Variants in TMEM232 observed in about 807,000 individuals in gnomAD.
TMEM232 encodes the protein transmembrane protein 232.
In TMEM232, 80 loss-of-function variants were observed where a neutral mutation model predicts 78.8. The observed-to-expected ratio is 1.01, with a 90% confidence interval of 0.85 to 1.22. TMEM232 has a LOEUF of 1.22. TMEM232 is among the 50% of genes most tolerant of loss of function. The pLI is 0.00. For missense variants in TMEM232, 881 were observed against 742.2 expected (o/e 1.19, Z -2.17); for synonymous variants, 297 against 254.3 (o/e 1.17, Z -1.60).
chr5:110,388,061 AGAAAG>A (rs1755049274), intron 4 of TMEM232: 1 of 152,124 alleles, frequency 6.6e-6, no homozygotes, highest in Admixed American at 6.6e-5. Flanking sequence ...AATCTGTAAA[AGAAAG>A]GAGAGAGGAG....
chr5:110,473,388 G>A (rs951810380), intron 12 of TMEM232, among the ~76,000 whole-genome samples: 4 of 151,448 alleles, frequency 2.6e-5, no homozygotes, highest in African/African-American at 4.8e-5. Context: ...AGATATCACC[G>A]CCCTCCAGAT....
At chr5:110,728,134 G>C (rs1798335317), upstream of TMEM232, among the ~76,000 whole-genome samples, 1 of 151,962 alleles carries the variant, frequency 6.6e-6, no homozygotes, top group Admixed American at 6.6e-5. Context: ...TGAAACTATA[G>C]CATGTTTAGA....
chr5:110,469,822 G>A (rs1762477910), intron 12 of TMEM232, among the ~76,000 whole-genome samples: 1 of 152,112 alleles, frequency 6.6e-6, no homozygotes, highest in Non-Finnish European at 1.5e-5. Flanking sequence ...TATGTCCCAG[G>A]GGAAAAAATG....
chr5:110,503,489 G>T (rs1051175641), intron 12 of TMEM232, among the ~76,000 whole-genome samples: 2 of 152,000 alleles, frequency 1.3e-5, no homozygotes, highest in Non-Finnish European at 1.5e-5. Context: ...GTAGATAGTT[G>T]CATACCTGAG....
intron 12 of TMEM232, among the ~76,000 whole-genome samples, chr5:110,482,852 C>G (rs996732619): frequency 2.0e-5 from 3 of 151,706 alleles, no homozygotes; most frequent in Admixed American, 6.6e-5. Flanking sequence ...CCAGAAAAAA[C>G]TTTCTTCAAA....
At chr5:110,459,691 A>G (rs1363848608) in intron 12 of TMEM232, among the ~76,000 whole-genome samples, 1 of 152,172 alleles carries the variant, frequency 6.6e-6, no homozygotes, top group Non-Finnish European at 1.5e-5. Flanking sequence ...GTGTCAAAAT[A>G]TTTTCTTACA....
chr5:110,462,772 T>A (rs1761674866), intron 12 of TMEM232, among the ~76,000 whole-genome samples: 1 of 152,126 alleles, frequency 6.6e-6, no homozygotes, highest in Admixed American at 6.5e-5. Context: ...TCTGTCCCTC[T>A]AGGGTACCCT....
At chr5:110,620,858 CTT>C (rs558332663) in intron 7 of TMEM232, among the ~76,000 whole-genome samples, 91 of 87,434 alleles carry the variant, frequency 1.0e-3, no homozygotes, top group African/African-American at 4.8e-3. Flanking sequence ...ATTTCAAGCG[CTT>C]TTTTTTTTTT....
chr5:110,660,749 T>C (rs13356527), intron 2 of TMEM232, among the ~76,000 whole-genome samples: 9,573 of 152,244 alleles, frequency 0.063, 457 homozygotes, highest in South Asian at 0.18. Flanking sequence ...TGTGATATTT[T>C]GATACAAACA....
At chr5:110,503,861 T>A (rs1320926937) in intron 12 of TMEM232, among the ~76,000 whole-genome samples, 3 of 151,970 alleles carry the variant, frequency 2.0e-5, no homozygotes, top group Non-Finnish European at 4.4e-5. Flanking sequence ...GCTGTGTGAC[T>A]TTTTTAGAGG....
rs186558321 is a variant in TMEM232, at chr5:110,442,414, C to G, written c.1704-17498G>C. On this transcript the variant is annotated intron_variant, in intron 12 of 13. Transcript: ENST00000455884. Reference sequence around the variant, plus strand: ...TGATCAGTTCTGCTATTAAGAGACTCTGATGCATTCTTCAGTATGTGAATT... The same window carrying G: ...TGATCAGTTCTGCTATTAAGAGACTGTGATGCATTCTTCAGTATGTGAATT... Among the ~76,000 whole-genome samples, 775 of 151,956 alleles carry G rather than the reference C, an allele frequency of 5.1e-3. 3 individuals carry two copies. The highest frequency in any genetic ancestry group is 7.8e-3 in the Non-Finnish European group (533 of 67,982).
At chr5:110,389,270 A>C (rs1168065916) in intron 4 of TMEM232, among the ~76,000 whole-genome samples, 1 of 151,978 alleles carries the variant, frequency 6.6e-6, no homozygotes, top group Non-Finnish European at 1.5e-5. Flanking sequence ...CAAACAAACA[A>C]ACAAAACAAA....
chr5:110,585,075 A>G (rs574144425), intron 10 of TMEM232, among the ~76,000 whole-genome samples: 20 of 152,106 alleles, frequency 1.3e-4, no homozygotes, highest in Non-Finnish European at 2.6e-4. Context: ...TTATTCTTCA[A>G]ATATGTAAGG....
chr5:110,579,599 T>C lies in TMEM232; in HGVS notation c.1277-10974A>G, dbSNP rs539095367. On this transcript the variant is annotated intron_variant, in intron 10 of 13. Transcript: ENST00000455884. ...TGTAGAGTTTTGTATAAGATTGATG[T>C]TGTTTTCAACACAAAATAGATTGTT... Among the ~76,000 whole-genome samples the C allele has an allele frequency of 1.4e-4, 22 of 151,852 alleles. 1 individual carries two copies. Among genetic ancestry groups the C allele is most frequent in the Middle Eastern group, 6.8e-3 (2 of 294 alleles).
At chr5:110,656,633 A>G (rs543671630) in intron 2 of TMEM232, among the ~76,000 whole-genome samples, 8 of 152,204 alleles carry the variant, frequency 5.3e-5, no homozygotes, top group African/African-American at 1.9e-4. Flanking sequence ...AGGTCAGGAG[A>G]TCGAGACCAT....
intron 12 of TMEM232, among the ~76,000 whole-genome samples, chr5:110,489,064 A>T (rs1455879104): frequency 6.6e-6 from 1 of 151,976 alleles, no homozygotes; most frequent in African/African-American, 2.4e-5. Context: ...GAGTAACAAA[A>T]AAGAAAGTCT....
intron 12 of TMEM232, among the ~76,000 whole-genome samples, chr5:110,522,404 CTTTTA>C: frequency 6.6e-6 from 1 of 152,034 alleles, no homozygotes; most frequent in Non-Finnish European, 1.5e-5. Context: ...ATATGGATGC[CTTTTA>C]TTTTTTCTTG....
chr5:110,735,060 C>T (rs970273324), intron 1 of TMEM232: 4 of 152,080 alleles, frequency 2.6e-5, no homozygotes, highest in Non-Finnish European at 5.9e-5. Context: ...CATCACAGTA[C>T]CCAATACAGT....
At chr5:110,698,817 G>C (rs1355427372) in intron 1 of TMEM232, among the ~76,000 whole-genome samples, 1 of 152,082 alleles carries the variant, frequency 6.6e-6, no homozygotes, top group African/African-American at 2.4e-5. Context: ...CAGTTAAAAT[G>C]GTGGTTTCTT....
Sources: gnomAD v4.1 joint callset for allele counts (sites outside exome capture counted in the v4.1 genomes callset) on GRCh38, gnomAD v4.1.1 for gene constraint, MANE v1.5 for transcripts, NCBI Gene and HGNC (gene_info 2026-07-23, HGNC 2026-07-21) for gene names.